Variants in VPS8 observed in about 807,000 individuals in gnomAD.
VPS8 encodes the protein vacuolar protein sorting-associated protein 8 homolog.
In VPS8, 129 loss-of-function variants were observed where a neutral mutation model predicts 216.4. The observed-to-expected ratio is 0.60, with a 90% CI of 0.52 to 0.69. The LOEUF is 0.69. Ranked by LOEUF, VPS8 falls within the 30% of genes least tolerant of loss-of-function variation. The pLI, the probability that VPS8 is intolerant of heterozygous loss-of-function variation, is 0.00. For synonymous variants in VPS8, 571 were observed against 565.4 expected (o/e 1.01, Z -0.14); for missense variants, 1,531 against 1,683.5 (o/e 0.91, Z 1.59).
At chr3:184,886,910 A>G (rs1731381294) in intron 22 of VPS8, among the ~76,000 whole-genome samples, 2 of 152,188 alleles carry the variant, frequency 1.3e-5, no homozygotes, top group African/African-American at 4.8e-5. Flanking sequence ...CCATCACTAG[A>G]ACATAGTATT....
intron 26 of VPS8, among the ~76,000 whole-genome samples, chr3:184,914,705 GC>G (rs1450120607): frequency 6.6e-6 from 1 of 152,088 alleles, no homozygotes; most frequent in East Asian, 1.9e-4. Flanking sequence ...ATTCCTTCTT[GC>G]CCCTTTAATA....
chr3:184,907,411 G>A (rs1344588019), intron 25 of VPS8, among the ~76,000 whole-genome samples: 2 of 152,202 alleles, frequency 1.3e-5, no homozygotes, highest in Non-Finnish European at 2.9e-5. Flanking sequence ...AAATTGTGAG[G>A]GAGGTATGTA....
At chr3:184,919,128 A>T (rs1474380445) in intron 28 of VPS8, 4 of 152,198 alleles carry the variant, frequency 2.6e-5, no homozygotes, top group African/African-American at 9.7e-5. Context: ...ACTTTGGAGA[A>T]ATTGGGGGAA....
In VPS8 at chr3:185,051,895, T is replaced by G. The variant is rs969994116; in HGVS notation, c.4157T>G (p.Leu1386Arg). The change falls in exon 48 of 48, where the codon CTC becomes CGC. Residue 1386 changes from leucine (L) to arginine (R), a missense_variant. Physicochemically the swap from Leu to Arg is moderately radical, Grantham distance 102. Transcript: ENST00000625842. The stretch of plus-strand genomic sequence containing the variant: ...TTGCAGCTGGCTCTCCTCACGGAAC[T>G]CTCCCAGAATCGCAGCAGCGAGAGC... ...GSSRLALLTE[L>R]SQNRSSESYR... 1 of 1,608,450 alleles carries G rather than the reference T, an allele frequency of 6.2e-7. No homozygotes were observed. The highest frequency in any genetic ancestry group is 1.3e-5 in the African/African-American group (1 of 74,726).
chr3:184,941,437 T>TA (rs1304606568), intron 36 of VPS8, among the ~76,000 whole-genome samples: 6 of 151,042 alleles, frequency 4.0e-5, no homozygotes, highest in East Asian at 1.9e-4. Flanking sequence ...TTTTTTTTTT[T>TA]AAATTCCTAT....
At chr3:184,907,449 TAGGGATAG>T (rs1735699778) in intron 25 of VPS8, among the ~76,000 whole-genome samples, 1 of 152,220 alleles carries the variant, frequency 6.6e-6, no homozygotes, top group Non-Finnish European at 1.5e-5. Context: ...CTATCTTATT[TAGGGATAG>T]AATGGGATCA....
chr3:184,938,167 T>C (rs915362377), intron 35 of VPS8, among the ~76,000 whole-genome samples: 1 of 152,116 alleles, frequency 6.6e-6, no homozygotes, highest in African/African-American at 2.4e-5. Flanking sequence ...GTAAAATGTA[T>C]AGGATCTGGA....
rs1725115512 is a variant in VPS8 at position 184,855,703 on chromosome 3, C to G, written c.1036-8C>G. On this transcript the variant is annotated splice_region_variant and splice_polypyrimidine_tract_variant and intron_variant, in intron 13 of 47. Transcript: ENST00000625842. ...GTGATGATTTTTTTTTTCCATCTCC[C>G]TACTTAGATGGATCCTTCCAGTGTG... is the stretch of plus-strand genomic sequence containing the variant. The G allele has an allele frequency of 3.1e-6, 5 of 1,599,764 alleles. No homozygotes were observed. Among genetic ancestry groups the G allele is most frequent in the Non-Finnish European group, 4.3e-6 (5 of 1,171,262 alleles).
rs1351180996 is a variant in VPS8 at position 184,982,733 on chromosome 3, T to C, written c.3502+86T>C. The C allele has an allele frequency of 4.5e-6, 5 of 1,106,910 alleles. No homozygotes were observed. The African/African-American group carries it at 4.6e-5, about 10-fold the overall frequency. The allele number at this position is 1,106,910 out of a possible 1,614,324, so 68.6% of individuals were successfully genotyped here. ...GCAGAAACTATCAGTATAATATCTTTTTCCAATAGCATATTCTTATGATTT... is the reference window on the plus strand; with the variant it reads ...GCAGAAACTATCAGTATAATATCTTCTTCCAATAGCATATTCTTATGATTT... On this transcript the variant is annotated intron_variant, in intron 41 of 47. Coordinates refer to ENST00000625842, the MANE Select transcript of VPS8 (RefSeq NM_001009921.3).
At chr3:184,866,125 A>G (rs971148062) in intron 16 of VPS8, among the ~76,000 whole-genome samples, 1 of 152,248 alleles carries the variant, frequency 6.6e-6, no homozygotes, top group African/African-American at 2.4e-5. Flanking sequence ...ATTATTGTTA[A>G]TAACCGAAGA....
chr3:184,850,379 C>T (rs1577889849), intron 10 of VPS8, among the ~76,000 whole-genome samples: 3 of 152,290 alleles, frequency 2.0e-5, no homozygotes, highest in South Asian at 2.1e-4. Context: ...CTTAAAAGGT[C>T]TTTTTACCTT....
In VPS8 at chr3:184,902,123, T is replaced by C. The variant is rs1279476049; in HGVS notation, c.2146+1151T>C. On this transcript the variant is annotated intron_variant, in intron 25 of 47. Coordinates refer to ENST00000625842, the MANE Select transcript of VPS8 (RefSeq NM_001009921.3). Reference sequence around the variant, plus strand: ...GTTTAAATATTTAGCCCCCCCCCCCTTTTTTTTTTTTAATTGGTGGAGATG... The same window carrying C: ...GTTTAAATATTTAGCCCCCCCCCCCCTTTTTTTTTTTAATTGGTGGAGATG... Among the ~76,000 whole-genome samples the C allele has an allele frequency of 8.7e-4, 116 of 132,728 alleles. 1 individual carries two copies. The highest frequency in any genetic ancestry group is 2.0e-3 in the East Asian group (8 of 4,008). 87.1% of individuals were successfully genotyped at this position (132,728 alleles called of 152,430 possible).
At chr3:184,946,075 C>CTA (rs202145742) in intron 36 of VPS8, among the ~76,000 whole-genome samples, 1,860 of 152,312 alleles carry the variant, frequency 0.012, 27 homozygotes, top group South Asian at 0.043. Flanking sequence ...GTGGTGTTAT[C>CTA]TATAGGAGCA....
At chr3:184,974,332 G>A (rs1191759811) in intron 40 of VPS8, among the ~76,000 whole-genome samples, 2 of 152,026 alleles carry the variant, frequency 1.3e-5, no homozygotes. Context: ...GAGCCTGTTG[G>A]CCATTTGTAT....
At chr3:184,950,888 G>C (rs545452183) in intron 36 of VPS8, among the ~76,000 whole-genome samples, 5 of 152,162 alleles carry the variant, frequency 3.3e-5, no homozygotes, top group Non-Finnish European at 5.9e-5. Context: ...CCCTGCAAAG[G>C]ACATGATCTC....
At chr3:184,920,935 A>G (rs1341345878) in intron 29 of VPS8, among the ~76,000 whole-genome samples, 3 of 152,222 alleles carry the variant, frequency 2.0e-5, no homozygotes, top group Non-Finnish European at 4.4e-5. Context: ...GTATGTTTAT[A>G]TACGTTATTT....
At position 185,052,242 on chromosome 3, in the gene VPS8, T is replaced by C. The variant is rs1185266033; in HGVS notation, c.*217T>C. On this transcript the variant is annotated 3_prime_UTR_variant, in exon 48 of 48. Coordinates refer to ENST00000625842, the MANE Select transcript of VPS8 (RefSeq NM_001009921.3). ...TCATGGCGTCAGTTCACCAGACTCATTGATTTTGTTTTGCTTGTTAAGCAA... is the reference window on the plus strand; with the variant it reads ...TCATGGCGTCAGTTCACCAGACTCACTGATTTTGTTTTGCTTGTTAAGCAA... 15 of 459,400 alleles carry C rather than the reference T, an allele frequency of 3.3e-5. No homozygotes were observed. The highest frequency in any genetic ancestry group is 1.7e-4 in the Admixed American group (4 of 23,096). 28.5% of individuals were successfully genotyped at this position (459,400 alleles called of 1,614,324 possible).
intron 30 of VPS8, among the ~76,000 whole-genome samples, chr3:184,925,671 C>G (rs1474061076): frequency 1.3e-5 from 2 of 152,064 alleles, no homozygotes; most frequent in African/African-American, 2.4e-5. Flanking sequence ...GGCCTGACTC[C>G]TAAGCCCATG....
intron 36 of VPS8, among the ~76,000 whole-genome samples, chr3:184,940,560 C>T (rs1252481322): frequency 6.6e-6 from 1 of 152,204 alleles, no homozygotes; most frequent in Non-Finnish European, 1.5e-5. Flanking sequence ...GCCCTTGTTT[C>T]ACTCTTGCCT....
Sources: gnomAD v4.1 joint callset for allele counts (sites outside exome capture counted in the v4.1 genomes callset) on GRCh38, gnomAD v4.1.1 for gene constraint, MANE v1.5 for transcripts, NCBI Gene and HGNC (gene_info 2026-07-23, HGNC 2026-07-21) for gene names.